Variants in VWA8 observed in about 807,000 individuals in gnomAD.
VWA8 encodes von Willebrand factor A domain containing 8, also known as von Willebrand factor A domain-containing protein 8.
In VWA8, 221 loss-of-function variants were observed where a neutral mutation model predicts 241.5. The ratio of observed to expected loss-of-function variants is 0.91; its 90% CI spans 0.82 to 1.02. The LOEUF is 1.02. VWA8 is among the 50% of genes least tolerant of loss of function. The pLI, the probability that VWA8 is intolerant of heterozygous loss-of-function variation, is 0.00. For synonymous variants in VWA8, 852 were observed against 827.1 expected, an observed-to-expected ratio of 1.03 and a Z score of -0.52; for missense variants, 2,322 against 2,328.7, an observed-to-expected ratio of 1.00 and a Z score of 0.06.
At chr13:41,584,696 ATTTAT>A (rs980926083) in intron 42 of VWA8, among the ~76,000 whole-genome samples, 58 of 152,304 alleles carry the variant, frequency 3.8e-4, no homozygotes, top group African/African-American at 1.3e-3. Flanking sequence ...GGCCTGAAAA[ATTTAT>A]TTTATCTTGG....
At chr13:41,884,459 C>A (rs946936016) in intron 8 of VWA8, among the ~76,000 whole-genome samples, 2 of 152,124 alleles carry the variant, frequency 1.3e-5, no homozygotes, top group African/African-American at 2.4e-5. Context: ...GTCAATTAAA[C>A]CTCTTTTCTT....
At chr13:41,732,245 A>C (rs985445718) in intron 21 of VWA8, 90 bp from the exon 22 acceptor site, 7 of 1,276,418 alleles carry the variant, frequency 5.5e-6, no homozygotes, top group Middle Eastern at 1.9e-4. Flanking sequence ...CATTTTTTAA[A>C]AGATTTTTGT....
intron 2 of VWA8, among the ~76,000 whole-genome samples, chr13:41,940,007 C>G (rs1481127270): frequency 1.3e-5 from 2 of 152,160 alleles, no homozygotes; most frequent in Admixed American, 1.3e-4. Flanking sequence ...ACACACTGTT[C>G]TTCTCATTCC....
chr13:41,783,114 T>C (rs936606307), intron 19 of VWA8, among the ~76,000 whole-genome samples: 5 of 150,704 alleles, frequency 3.3e-5, no homozygotes, highest in Non-Finnish European at 5.9e-5. Flanking sequence ...CTCTGCTTTG[T>C]TTTTAAAATG....
At chr13:41,793,740 T>C (rs9594630) in intron 17 of VWA8, among the ~76,000 whole-genome samples, 2,263 of 152,266 alleles carry the variant, frequency 0.015, 53 homozygotes, top group African/African-American at 0.052. Flanking sequence ...TGCTTGAACC[T>C]GAGAGGTGGA....
chr13:41,591,434 C>T (rs1260402300), intron 40 of VWA8, among the ~76,000 whole-genome samples: 1 of 152,036 alleles, frequency 6.6e-6, no homozygotes, highest in Non-Finnish European at 1.5e-5. Context: ...TTATTACAGC[C>T]AACTACTATA....
At chr13:41,887,148 A>T in intron 6 of VWA8, 49 bp downstream of exon 6, 1 of 1,576,842 alleles carries the variant, frequency 6.3e-7, no homozygotes, top group Non-Finnish European at 8.6e-7. Flanking sequence ...AGTTCTTGTT[A>T]TAAATAGAAA....
Position 41,587,504 on chromosome 13 carries a change from G to A in VWA8, c.5271+8C>T, listed in dbSNP as rs1370376748. 21 of 1,613,946 alleles carry A rather than the reference G, an allele frequency of 1.3e-5. No homozygotes were observed. The highest frequency in any genetic ancestry group is 5.0e-5 in the Admixed American group (3 of 59,996). ...ATGCCTCTCATTATTCTTAGTTCAT[G>A]TCATTACCTGGAACTTCTCCTCATA... On this transcript the variant is annotated splice_region_variant and intron_variant, in intron 42 of 44. Transcript: ENST00000379310.
chr13:41,622,221 G>A (rs1046716827), intron 37 of VWA8, among the ~76,000 whole-genome samples: 1 of 152,150 alleles, frequency 6.6e-6, no homozygotes, highest in Admixed American at 6.6e-5. Context: ...AAAGATGCAA[G>A]TCAGGAATTC....
At chr13:41,718,867 T>A (rs1475791010) in intron 26 of VWA8, among the ~76,000 whole-genome samples, 1 of 151,838 alleles carries the variant, frequency 6.6e-6, no homozygotes, top group East Asian at 1.9e-4. Context: ...CCCTATGAAT[T>A]TATAATTAAC....
intron 20 of VWA8, among the ~76,000 whole-genome samples, chr13:41,767,650 C>CA (rs2045788441): frequency 1.3e-5 from 2 of 152,184 alleles, no homozygotes; most frequent in Admixed American, 1.3e-4. Context: ...AGTCAGAAGT[C>CA]AGATTAGAAA....
intron 12 of VWA8, among the ~76,000 whole-genome samples, chr13:41,845,573 C>T (rs887196391): frequency 4.0e-5 from 6 of 151,836 alleles, no homozygotes; most frequent in Admixed American, 3.3e-4. Flanking sequence ...ACTAGATGCA[C>T]ATCAATGGTG....
intron 36 of VWA8, among the ~76,000 whole-genome samples, chr13:41,671,488 T>A (rs2137799322): frequency 6.6e-6 from 1 of 152,300 alleles, no homozygotes. Context: ...TTAAACTGAT[T>A]AGGTTCTCTA....
intron 37 of VWA8, among the ~76,000 whole-genome samples, chr13:41,630,497 A>G (rs1007283481): frequency 5.3e-5 from 8 of 151,992 alleles, no homozygotes; most frequent in African/African-American, 1.9e-4. Flanking sequence ...GATATGCTTG[A>G]TAAACATTTA....
intron 37 of VWA8, among the ~76,000 whole-genome samples, chr13:41,617,625 A>G (rs1321888959): frequency 6.6e-6 from 1 of 151,918 alleles, no homozygotes; most frequent in East Asian, 1.9e-4. Flanking sequence ...TTCTCCTAAT[A>G]CTATCCCTCC....
chr13:41,833,320 A>G, intron 13 of VWA8, 51 bp downstream of exon 13: 1 of 1,537,150 alleles, frequency 6.5e-7, no homozygotes, highest in Non-Finnish European at 8.7e-7. Flanking sequence ...TTTACTGCTT[A>G]AGTCAGAGTG....
intron 20 of VWA8, among the ~76,000 whole-genome samples, chr13:41,770,921 A>G (rs1002184661): frequency 8.8e-5 from 12 of 135,786 alleles, no homozygotes; most frequent in Non-Finnish European, 1.5e-4. Flanking sequence ...AAAAAAAAAA[A>G]AGCTGACAAA....
chr13:41,826,827 T>C lies in VWA8; in HGVS notation c.1700+3702A>G, dbSNP rs1410381101. Among the ~76,000 whole-genome samples, 5 of 152,100 alleles carry C rather than the reference T, an allele frequency of 3.3e-5. No individual in the cohort carries two copies. The East Asian group carries it at 5.8e-4, about 18-fold the overall frequency. The stretch of plus-strand genomic sequence containing the variant: ...AGTTCAAGGCTGCAGTGAGCCGAGA[T>C]TGTGCCACTGCACTCCAGTCTGGTT... On this transcript the variant is annotated intron_variant, in intron 14 of 44. Coordinates refer to ENST00000379310, the MANE Select transcript of VWA8 (RefSeq NM_015058.2).
chr13:41,803,480 C>G (rs1870049812), intron 17 of VWA8, among the ~76,000 whole-genome samples: 1 of 152,150 alleles, frequency 6.6e-6, no homozygotes, highest in South Asian at 2.1e-4. Flanking sequence ...GGAGGCCTCA[C>G]AATCATGGCA....
Sources: allele counts gnomAD v4.1 joint callset (sites outside exome capture counted in the v4.1 genomes callset), GRCh38; gene constraint gnomAD v4.1.1; transcripts MANE v1.5; gene names NCBI Gene and HGNC (gene_info 2026-07-23, HGNC 2026-07-21).